The following CDC27 variants were observed in gnomAD, a reference collection of about 807,000 sequenced individuals.
The protein encoded by CDC27 is cell division cycle protein 27 homolog.
In CDC27, 27 loss-of-function variants were observed where a neutral mutation model predicts 109.7. The observed-to-expected ratio is 0.25, with a 90% CI of 0.18 to 0.34. CDC27 has a LOEUF of 0.34. Ranked by LOEUF, CDC27 falls within the 10% of genes least tolerant of loss-of-function variation. The pLI is 1.00. For synonymous variants in CDC27, 266 were observed against 333.9 expected, an observed-to-expected ratio of 0.80 and a Z score of 2.22; for missense variants, 579 against 960.2, an observed-to-expected ratio of 0.60 and a Z score of 5.25.
At chr17:47,139,742 T>C (rs770052635) in intron 12 of CDC27, 1 of 152,184 alleles carries the variant, frequency 6.6e-6, no homozygotes, top group Non-Finnish European at 1.5e-5. Context: ...CACACCAATA[T>C]TGTGTCTGCT....
At position 47,182,573 on chromosome 17, in the gene CDC27, T is replaced by C. The variant is rs367624910; in HGVS notation, c.28-936A>G. 1.6e-3 allele frequency among the ~76,000 whole-genome samples: 238 copies of C among 152,356 alleles called. 1 individual carries two copies. The highest frequency in any genetic ancestry group is 5.4e-3 in the African/African-American group (223 of 41,584). On this transcript the variant is annotated intron_variant, in intron 1 of 18. Coordinates refer to ENST00000066544, the MANE Select transcript of CDC27 (RefSeq NM_001256.6). ...CAGTATAACATTTACTTTTTCCTGT[T>C]TTTGAACTTTAAATAAATACAATCA...
At chr17:47,186,157 A>C (rs987002300) in intron 1 of CDC27, among the ~76,000 whole-genome samples, 4 of 152,206 alleles carry the variant, frequency 2.6e-5, no homozygotes, top group African/African-American at 9.7e-5. Context: ...AAATATTCCC[A>C]AAGTGGTGCT....
chr17:47,173,373 C>CAA (rs541273451), intron 2 of CDC27, among the ~76,000 whole-genome samples: 43 of 116,006 alleles, frequency 3.7e-4, no homozygotes, highest in African/African-American at 1.2e-3. Context: ...GCTGCAGCTA[C>CAA]AAAAAAAAAA....
At chr17:47,162,250 C>CCT (rs1339933166) in intron 4 of CDC27, among the ~76,000 whole-genome samples, 1 of 152,116 alleles carries the variant, frequency 6.6e-6, no homozygotes, top group African/African-American at 2.4e-5. Flanking sequence ...GCTTAAGTTC[C>CCT]CTCTTTATTT....
intron 9 of CDC27, among the ~76,000 whole-genome samples, chr17:47,149,642 T>C (rs1484358490): frequency 1.3e-5 from 2 of 151,638 alleles, no homozygotes; most frequent in Non-Finnish European, 2.9e-5. Flanking sequence ...AAATATAAAA[T>C]AGACTTCTTT....
intron 2 of CDC27, among the ~76,000 whole-genome samples, chr17:47,175,182 AAAATAATTAAGAGGGGTTTAACCTTGC>A (rs1188292397): frequency 6.6e-6 from 1 of 152,188 alleles, no homozygotes; most frequent in Non-Finnish European, 1.5e-5. Flanking sequence ...GTGTAAGTCC[AAAATAATTAAGAGGGGTTTAACCTTGC>A]ATCCTCCAGA....
At chr17:47,123,457 C>G (rs1378227000) in intron 17 of CDC27, among the ~76,000 whole-genome samples, 2 of 141,680 alleles carry the variant, frequency 1.4e-5, no homozygotes, top group Non-Finnish European at 3.0e-5. Flanking sequence ...CTTGCCCAGG[C>G]TGGAGTGCAG....
At chr17:47,156,654 G>C in intron 7 of CDC27, 1 of 245,652 alleles carries the variant, frequency 4.1e-6, no homozygotes, top group Non-Finnish European at 7.7e-6. Context: ...CACCATGTTG[G>C]CCAGGCTGTT....
chr17:47,143,134 A>G (rs1189237522), intron 10 of CDC27, among the ~76,000 whole-genome samples: 2 of 149,662 alleles, frequency 1.3e-5, no homozygotes, highest in Non-Finnish European at 3.0e-5. Flanking sequence ...CATCCCAGCT[A>G]ATTTTTTTTT....
chr17:47,166,805 T>C (rs577549999), intron 4 of CDC27, among the ~76,000 whole-genome samples: 24 of 152,302 alleles, frequency 1.6e-4, no homozygotes, highest in African/African-American at 5.1e-4. Flanking sequence ...TTCAGTTCAA[T>C]ATATTTTTAA....
In CDC27 at chr17:47,180,561, T is replaced by G. The variant is rs2064181935; in HGVS notation, c.103+1001A>C. ...CTCTCAGCTACTAAACCCATACTGT[T>G]TGACTTGTAAATTCCATTTAAAAGT... On this transcript the variant is annotated intron_variant, in intron 2 of 18. Coordinates refer to ENST00000066544, the MANE Select transcript of CDC27 (RefSeq NM_001256.6). 2.6e-5 allele frequency among the ~76,000 whole-genome samples: 4 copies of G among 151,964 alleles called. No individual in the cohort carries two copies. In the South Asian group the frequency reaches 8.3e-4, roughly 32 times the overall value.
intron 16 of CDC27, among the ~76,000 whole-genome samples, chr17:47,124,210 C>CACA (rs1555780231): frequency 6.7e-6 from 1 of 149,324 alleles, no homozygotes; most frequent in Non-Finnish European, 1.5e-5. Context: ...CACACACACA[C>CACA]CCCTCTTCGT....
chr17:47,158,301 T>C lies in CDC27; in HGVS notation c.380A>G (p.Lys127Arg), dbSNP rs377249897. 2.0e-6 allele frequency: 3 copies of C among 1,527,418 alleles called. No individual in the cohort carries two copies. The allele number at this position is 1,527,418 out of a possible 1,614,324, so 94.6% of individuals were successfully genotyped here. ...TGATCCTTTGGCAAGCCGATCTGTC[T>C]TGCTGTGGAGAGAAACAAGTAGATT... ...TLSLLGHVYC[K>R]TDRLAKGSEC... is the part of the protein sequence containing the mutation. Residue 127 changes from lysine (K) to arginine (R), a missense_variant and splice_region_variant, in exon 5 of 19, where the codon AAG (lysine) becomes AGG (arginine). Lys to Arg is a conservative substitution (Grantham distance 26). Coordinates refer to ENST00000066544, the MANE Select transcript of CDC27 (RefSeq NM_001256.6).
intron 9 of CDC27, among the ~76,000 whole-genome samples, chr17:47,146,148 C>T (rs1394806341): frequency 1.3e-5 from 2 of 152,208 alleles, no homozygotes; most frequent in Non-Finnish European, 2.9e-5. Context: ...TGTATCAGGA[C>T]CCTCCCATAT....
rs1362250132 is a variant in CDC27 at position 47,120,149 on chromosome 17, A to G, written c.*786T>C. 1 of 152,226 alleles carries G rather than the reference A, an allele frequency of 6.6e-6. No homozygotes were observed. Among genetic ancestry groups the G allele is most frequent in the East Asian group, 1.9e-4 (1 of 5,198 alleles). 9.4% of individuals were successfully genotyped at this position (152,226 alleles called of 1,614,324 possible). The stretch of plus-strand genomic sequence containing the variant: ...TGGCTTCTCAGTGGGGAACCACTCT[A>G]TCATCTCTGAATGTTAAAGGTGATC... On this transcript the variant is annotated 3_prime_UTR_variant, in exon 19 of 19. Transcript: ENST00000066544.
chr17:47,143,537 A>G (rs1397660267), intron 10 of CDC27, among the ~76,000 whole-genome samples: 1 of 152,138 alleles, frequency 6.6e-6, no homozygotes, highest in Non-Finnish European at 1.5e-5. Context: ...TACCACCACA[A>G]TGCAATTCTT....
At position 47,142,416 on chromosome 17, in the gene CDC27, T is replaced by C. The variant is rs1190547594; in HGVS notation, c.1191A>G (p.Lys397=). 2.7e-6 allele frequency: 4 copies of C among 1,468,676 alleles called. No homozygotes were observed. In the Admixed American group the frequency reaches 7.9e-5, roughly 29 times the overall value. The allele number at this position is 1,468,676 out of a possible 1,614,324, so 91.0% of individuals were successfully genotyped here. The stretch of plus-strand genomic sequence containing the variant: ...TTGGGATTTTAGGTGGAAACTTCAT[T>C]TTTAATTTTTTGCTATTCTCCTGTA... The part of the protein sequence containing the change: ...STTKENSKKL[K]MKFPPKIPNR... Residue 397 remains lysine, a synonymous_variant, in exon 11 of 19, where the codon AAA becomes AAG. Coordinates refer to ENST00000066544, the MANE Select transcript of CDC27 (RefSeq NM_001256.6).
At chr17:47,146,833 G>A (rs2062972480) in intron 9 of CDC27, among the ~76,000 whole-genome samples, 1 of 152,110 alleles carries the variant, frequency 6.6e-6, no homozygotes, top group African/African-American at 2.4e-5. Flanking sequence ...GGGTGGGTGA[G>A]GTGGGAGGAT....
chr17:47,134,258 A>G (rs189458289), intron 14 of CDC27, among the ~76,000 whole-genome samples: 1 of 152,020 alleles, frequency 6.6e-6, no homozygotes, highest in African/African-American at 2.4e-5. Context: ...AATCAAATCA[A>G]ACTATGATAA....
Sources: allele counts gnomAD v4.1 joint callset (sites outside exome capture counted in the v4.1 genomes callset), GRCh38; gene constraint gnomAD v4.1.1; transcripts MANE v1.5; gene names NCBI Gene and HGNC (gene_info 2026-07-23, HGNC 2026-07-21).